Variants in ANKRD26 observed in about 807,000 individuals in gnomAD.
ANKRD26 encodes ankyrin repeat domain 26.
Under a neutral mutation model 208.7 loss-of-function variants are expected in ANKRD26, and 141 were observed. The ratio of observed to expected loss-of-function variants is 0.68; its 90% CI spans 0.59 to 0.78. The LOEUF (loss-of-function observed/expected upper bound fraction) is 0.78. ANKRD26 is among the 30% of genes least tolerant of loss of function. The pLI is 0.00. For missense variants in ANKRD26, 1,889 were observed against 1,938.7 expected (o/e 0.97, Z 0.48); for synonymous variants, 636 against 660.4 (o/e 0.96, Z 0.57).
exon 6 of ANKRD26, among the ~76,000 whole-genome samples, chr10:26,974,048 G>T: frequency 6.6e-6 from 1 of 150,820 alleles, no homozygotes; most frequent in African/African-American, 2.4e-5. Flanking sequence ...TATTTCTATT[G>T]GTATGAATGT....
chr10:27,065,252 T>C (rs1483781657), intron 11 of ANKRD26, among the ~76,000 whole-genome samples: 1 of 152,326 alleles, frequency 6.6e-6, no homozygotes, highest in Admixed American at 6.5e-5. Flanking sequence ...TATAAGTGTT[T>C]GTGGTTTACT....
chr10:27,034,727 C>A (rs747223491), intron 24 of ANKRD26, 69 bp downstream of exon 24: 1 of 989,186 alleles, frequency 1.0e-6, no homozygotes, highest in South Asian at 1.6e-5. Flanking sequence ...TAGTTAACTA[C>A]ATAACTATAT....
chr10:27,032,129 A>C (rs1441543177), intron 25 of ANKRD26, among the ~76,000 whole-genome samples: 1 of 152,238 alleles, frequency 6.6e-6, no homozygotes, highest in East Asian at 1.9e-4. Flanking sequence ...AATGATGTAT[A>C]ATTCTCAACT....
At chr10:27,060,129 G>C (rs1042815168) in intron 15 of ANKRD26, among the ~76,000 whole-genome samples, 1 of 152,026 alleles carries the variant, frequency 6.6e-6, no homozygotes, top group Non-Finnish European at 1.5e-5. Context: ...CTTGAACCTG[G>C]GAGGCGGAGG....
chr10:27,053,351 TC>T lies in ANKRD26; in HGVS notation c.1603del (p.Glu535LysfsTer47). The T allele has an allele frequency of 6.2e-7, 1 of 1,610,956 alleles. No individual in the cohort carries two copies. The highest frequency in any genetic ancestry group is 8.5e-7 in the Non-Finnish European group (1 of 1,178,850). The stretch of plus-strand genomic sequence containing the variant: ...CTGGTTATTTTCACTCCCTTCCCTT[TC>T]TTGCTCTTCTTCTGATGCTACTTCT... ...DLEVASEEEQEREGSENNQPQ... is the reference protein window; with the variant it reads ...DLEVASEEEQXREGSENNQPQ... On this transcript the variant is annotated frameshift_variant, in exon 16 of 34. Transcript: ENST00000376087. LOFTEE classifies it high-confidence loss of function.
chr10:27,001,047 A>C (rs11015444), downstream of ANKRD26, among the ~76,000 whole-genome samples: 13,134 of 152,236 alleles, frequency 0.086, 700 homozygotes, highest in African/African-American at 0.15. Flanking sequence ...AGAATAACTC[A>C]ATATTCTAAA....
chr10:26,957,294 A>G, the ANKRD26 span, among the ~76,000 whole-genome samples: 1 of 152,216 alleles, frequency 6.6e-6, no homozygotes, highest in Non-Finnish European at 1.5e-5. Flanking sequence ...TGGCTAAAGC[A>G]GGAGGATCTC....
chr10:27,073,566 T>C (rs1468118495), intron 9 of ANKRD26, among the ~76,000 whole-genome samples: 1 of 152,172 alleles, frequency 6.6e-6, no homozygotes, highest in Non-Finnish European at 1.5e-5. Flanking sequence ...CTTTAGTGCA[T>C]ATCACTGAGA....
At chr10:26,984,891 T>G (rs569372694) in intron 3 of ANKRD26, among the ~76,000 whole-genome samples, 2 of 152,098 alleles carry the variant, frequency 1.3e-5, no homozygotes, top group Non-Finnish European at 2.9e-5. Context: ...CCCTGAAGAC[T>G]GAGGGTGGTA....
At position 27,035,051 on chromosome 10, in the gene ANKRD26, C is replaced by A; in HGVS notation, c.3399G>T (p.Glu1133Asp). 1.2e-6 allele frequency: 2 copies of A among 1,613,684 alleles called. No homozygotes were observed. The highest frequency in any genetic ancestry group is 1.7e-6 in the Non-Finnish European group (2 of 1,179,858). Reference protein sequence around the residue: ...NKYIGKQESVEERLSQLQSEN... With the variant: ...NKYIGKQESVDERLSQLQSEN... ...CACTTTGTAGTTGAGACAATCTCTC[C>A]TCTACAGACTCCTGCTTTCCAATGT... Residue 1133 changes from glutamate to aspartate, a missense_variant, in exon 24 of 34, where the codon GAG becomes GAT. By Grantham distance (45) the Glu-to-Asp change is conservative (BLOSUM62 2). Coordinates refer to ENST00000376087, the MANE Select transcript of ANKRD26 (RefSeq NM_014915.3).
rs188286436 is a variant in ANKRD26 at position 27,082,603 on chromosome 10, C to A, written c.740+200G>T. Among the ~76,000 whole-genome samples, 12 of 152,246 alleles carry A rather than the reference C, an allele frequency of 7.9e-5. No individual in the cohort carries two copies. In the East Asian group the frequency reaches 2.3e-3, roughly 29 times the overall value. On this transcript the variant is annotated intron_variant, in intron 6 of 33. Transcript: ENST00000376087. Reference sequence around the variant, plus strand: ...TCAAATCATGGGTCAGCTGCTTGCTCACTGTGAGGTCATGGGCCAATTAAT... The same window carrying A: ...TCAAATCATGGGTCAGCTGCTTGCTAACTGTGAGGTCATGGGCCAATTAAT...
chr10:27,090,535 T>C (rs549324552), intron 4 of ANKRD26, among the ~76,000 whole-genome samples: 25 of 152,280 alleles, frequency 1.6e-4, no homozygotes, highest in African/African-American at 5.8e-4. Flanking sequence ...CATCTACTAA[T>C]AGACATAAGC....
At chr10:27,020,207 A>G (rs1463705913) in intron 29 of ANKRD26, among the ~76,000 whole-genome samples, 1 of 152,240 alleles carries the variant, frequency 6.6e-6, no homozygotes, top group Non-Finnish European at 1.5e-5. Flanking sequence ...TTATGGCTAG[A>G]GAGATATTTT....
intron 16 of ANKRD26, chr10:27,051,307 T>C (rs977395841): frequency 1.6e-6 from 2 of 1,287,206 alleles, no homozygotes; most frequent in Admixed American, 4.6e-5. Flanking sequence ...TTTGTTTTCT[T>C]GTAAGCGTCT....
At chr10:27,047,277 T>C (rs2054481272) in intron 17 of ANKRD26, among the ~76,000 whole-genome samples, 1 of 152,200 alleles carries the variant, frequency 6.6e-6, no homozygotes, top group African/African-American at 2.4e-5. Context: ...TATGTCATTA[T>C]ATGCAGTTCC....
At chr10:26,988,897 G>T (rs1287573548), downstream of ANKRD26, among the ~76,000 whole-genome samples, 2 of 140,742 alleles carry the variant, frequency 1.4e-5, no homozygotes, top group East Asian at 4.4e-4. Context: ...AAAAAAAAAT[G>T]TATCTTCTCC....
Position 27,035,165 on chromosome 10 carries a change from T to C in ANKRD26, c.3285A>G (p.Glu1095=). Residue 1095 remains glutamate (E), a synonymous_variant, in exon 24 of 34, where the codon GAA becomes GAG. Transcript: ENST00000376087. ...DALREKTLGL[E]RVQKDLSQTQ... ...TTTGGCTTAGGTCCTTTTGTACCCG[T>C]TCTAAACCCAAAGTCTTTTCTCTGA... 6.2e-7 allele frequency: 1 copy of C among 1,614,066 alleles called. No homozygotes were observed. The highest frequency in any genetic ancestry group is 8.5e-7 in the Non-Finnish European group (1 of 1,179,944).
In ANKRD26 at chr10:27,067,211, T is replaced by C. The variant is rs375318218; in HGVS notation, c.1153A>G (p.Thr385Ala). The C allele has an allele frequency of 5.0e-5, 81 of 1,613,666 alleles. No homozygotes were observed. Among genetic ancestry groups the C allele is most frequent in the Middle Eastern group, 1.6e-4 (1 of 6,080 alleles). Residue 385 changes from threonine to alanine, a missense_variant, in exon 10 of 34, where the codon ACA (threonine) becomes GCA (alanine). Transcript: ENST00000376087. ...ACATAAGTCAAATTGTCATTATTTG[T>C]TTGCTCTAGTGGAGCACTTTCAATA... ...DIIESAPLEQ[T>A]NNDNLTYVDE...
chr10:27,071,926 G>C (rs2055518118), intron 9 of ANKRD26, among the ~76,000 whole-genome samples: 1 of 152,228 alleles, frequency 6.6e-6, no homozygotes, highest in South Asian at 2.1e-4. Context: ...ACAGAGGGAA[G>C]CCATTCTTGA....
Sources: allele counts gnomAD v4.1 joint callset (sites outside exome capture counted in the v4.1 genomes callset), GRCh38; gene constraint gnomAD v4.1.1; transcripts MANE v1.5; gene names NCBI Gene and HGNC (gene_info 2026-07-23, HGNC 2026-07-21).